CENPI: variants seen among roughly 807,000 people sequenced by gnomAD.
CENPI encodes centromere protein I, also known as FSH primary response 1.
Under a neutral mutation model 60.4 loss-of-function variants are expected in CENPI, and 4 were observed. That is an observed-to-expected ratio of 0.07 (90% CI 0.03 to 0.15). The LOEUF (loss-of-function observed/expected upper bound fraction) is 0.15, where lower values mean the gene tolerates loss of function less well. CENPI is among the 10% of genes least tolerant of loss of function. The probability of loss-of-function intolerance (pLI) is 1.00; values close to 1 mark genes in which losing one functional copy is unlikely to be tolerated. For synonymous variants in CENPI, 157 were observed against 189.4 expected (o/e 0.83, Z 1.40); for missense variants, 444 against 534.5 (o/e 0.83, Z 1.67).
chrX:101,124,266 T>A (rs954097111), intron 8 of CENPI, among the ~76,000 whole-genome samples: 2 of 110,589 alleles, frequency 1.8e-5, no homozygotes, highest in Admixed American at 9.7e-5. Context: ...TAAGTGGCAG[T>A]CTACTATAGA....
At chrX:101,126,892 C>T in intron 9 of CENPI, 94 bp downstream of exon 9, 2 of 862,444 alleles carry the variant, frequency 2.3e-6, no homozygotes, top group East Asian at 3.1e-5. Flanking sequence ...TGTTTACAGC[C>T]TACTGTTTTA....
At chrX:101,124,954 C>G (rs1431796497) in intron 8 of CENPI, among the ~76,000 whole-genome samples, 2 of 111,552 alleles carry the variant, frequency 1.8e-5, no homozygotes, top group Non-Finnish European at 3.8e-5. Flanking sequence ...GCTACTGGCA[C>G]TCTGAGACCT....
chrX:101,100,188 G>C (rs955496830), intron 2 of CENPI: 3 of 111,172 alleles, frequency 2.7e-5, no homozygotes, highest in Non-Finnish European at 5.6e-5. Context: ...CTGGTAACTA[G>C]ACTTGTGCTT....
At chrX:101,119,140 A>G (rs1405165053) in intron 6 of CENPI, among the ~76,000 whole-genome samples, 2 of 111,840 alleles carry the variant, frequency 1.8e-5, no homozygotes, top group African/African-American at 6.5e-5. Flanking sequence ...AGATCATGCC[A>G]TTGTGCTCCA....
chrX:101,164,578 C>T lies in CENPI; in HGVS notation c.*1611C>T, dbSNP rs1319779999. On this transcript the variant is annotated 3_prime_UTR_variant, in exon 22 of 22. Coordinates refer to ENST00000682095, the MANE Select transcript of CENPI (RefSeq NM_001386188.2). ...AACTCTTGATCTCAAGTGATCAACC[C>T]GCCTTGGCCTCCCAAAGTGTTGGGA... is the stretch of plus-strand genomic sequence containing the variant. Among the ~76,000 whole-genome samples the T allele has an allele frequency of 8.9e-6, 1 of 111,742 alleles. No individual in the cohort carries two copies. Among genetic ancestry groups the T allele is most frequent in the African/African-American group, 3.3e-5 (1 of 30,759 alleles).
At chrX:101,099,040 T>C (rs866366456) in intron 2 of CENPI, among the ~76,000 whole-genome samples, 1 of 93,306 alleles carries the variant, frequency 1.1e-5, no homozygotes, top group Admixed American at 1.2e-4. Flanking sequence ...TTTCTTTTCT[T>C]TTCTCTTTTC....
chrX:101,162,471 A>ATATATAT (rs1182467283), intron 21 of CENPI, among the ~76,000 whole-genome samples: 56 of 76,278 alleles, frequency 7.3e-4, no homozygotes, highest in African/African-American at 3.0e-3. Context: ...AAAAAAAAAA[A>ATATATAT]AAATATATAT....
At chrX:101,105,522 C>CA (rs924539365) in intron 4 of CENPI, among the ~76,000 whole-genome samples, 8 of 111,220 alleles carry the variant, frequency 7.2e-5, no homozygotes, top group South Asian at 7.5e-4. Context: ...GACTCCATCT[C>CA]AAAAAAACAA....
chrX:101,113,337 T>TC (rs2089579177), intron 6 of CENPI, among the ~76,000 whole-genome samples: 1 of 106,833 alleles, frequency 9.4e-6, no homozygotes, highest in African/African-American at 3.4e-5. Context: ...TAGATTTTTT[T>TC]TTTTTTTGAG....
intron 20 of CENPI, among the ~76,000 whole-genome samples, chrX:101,148,919 C>T (rs1359363903): frequency 9.0e-6 from 1 of 111,722 alleles, no homozygotes; most frequent in East Asian, 2.8e-4. Context: ...CCAGGCACTA[C>T]AGTGAATAAG....
chrX:101,147,734 T>A (rs1473292115), intron 18 of CENPI, 29 bp from the exon 19 acceptor site: 1 of 1,115,258 alleles, frequency 9.0e-7, no homozygotes, highest in Admixed American at 2.4e-5. Flanking sequence ...GCATGTTAAA[T>A]GTTTCATTCT....
At chrX:101,158,883 G>T (rs946991713) in intron 20 of CENPI, among the ~76,000 whole-genome samples, 1 of 108,359 alleles carries the variant, frequency 9.2e-6, no homozygotes, top group African/African-American at 3.4e-5. Context: ...CACCCGCCTC[G>T]GCCTCCCAAA....
chrX:101,145,159 A>G lies in CENPI; in HGVS notation c.1661A>G (p.Asn554Ser). The change falls in exon 17 of 22, where the codon AAT becomes AGT. Residue 554 changes from asparagine (N) to serine (S), a missense_variant. Transcript: ENST00000682095. Reference sequence around the variant, plus strand: ...ACTGCAATGCGCTTGGAGAGCAACAATACTTTCTTGCTGCACTTTATTTTG... The same window carrying G: ...ACTGCAATGCGCTTGGAGAGCAACAGTACTTTCTTGCTGCACTTTATTTTG... ...STTAMRLESN[N>S]TFLLHFILDF... The G allele has an allele frequency of 8.3e-7, 1 of 1,208,525 alleles. No individual in the cohort carries two copies. Among genetic ancestry groups the G allele is most frequent in the Non-Finnish European group, 1.1e-6 (1 of 892,744 alleles).
At chrX:101,169,741 C>T (rs761443881), downstream of CENPI, among the ~76,000 whole-genome samples, 1 of 111,479 alleles carries the variant, frequency 9.0e-6, no homozygotes, top group South Asian at 3.8e-4. Flanking sequence ...TTAGTGCCCC[C>T]GAAGACCTTC....
chrX:101,148,242 G>C, intron 20 of CENPI, 81 bp downstream of exon 20: 1 of 830,008 alleles, frequency 1.2e-6, no homozygotes, highest in Non-Finnish European at 1.8e-6. Flanking sequence ...AATTTAATGT[G>C]TCTGAATTGT....
In CENPI at chrX:101,159,452, G is replaced by A. The variant is rs182139369; in HGVS notation, c.2095-2076G>A. Reference sequence around the variant, plus strand: ...GCTGGGATTACAGGTGTGAGCCACCGCGCCTGGCCTTTTTTTTCTTTGTGA... The same window carrying A: ...GCTGGGATTACAGGTGTGAGCCACCACGCCTGGCCTTTTTTTTCTTTGTGA... On this transcript the variant is annotated intron_variant, in intron 20 of 21. Coordinates refer to ENST00000682095, the MANE Select transcript of CENPI (RefSeq NM_001386188.2). Among the ~76,000 whole-genome samples the A allele has an allele frequency of 1.5e-3, 163 of 109,502 alleles. 1 individual carries two copies. In the Middle Eastern group the frequency reaches 0.019, roughly 12 times the overall value.
intron 6 of CENPI, among the ~76,000 whole-genome samples, chrX:101,117,498 C>G (rs2089636167): frequency 8.9e-6 from 1 of 112,180 alleles, no homozygotes; most frequent in South Asian, 3.7e-4. Context: ...CCTGGCCAAA[C>G]TGCAGACGTT....
At chrX:101,176,935 G>T in the CENPI span, among the ~76,000 whole-genome samples, 2 of 112,444 alleles carry the variant, frequency 1.8e-5, no homozygotes, top group East Asian at 5.6e-4. Context: ...AGTGGCTTAG[G>T]ATGCTATTAT....
chrX:101,122,643 C>T lies in CENPI; in HGVS notation c.687+1859C>T, dbSNP rs955124043. On this transcript the variant is annotated intron_variant, in intron 8 of 21. Coordinates refer to ENST00000682095, the MANE Select transcript of CENPI (RefSeq NM_001386188.2). Reference sequence around the variant, plus strand: ...CTGTAATCCCAGCACTTTGGGAGGCCGAGGCGGGCAGATCACGAGGTCAGG... The same window carrying T: ...CTGTAATCCCAGCACTTTGGGAGGCTGAGGCGGGCAGATCACGAGGTCAGG... Among the ~76,000 whole-genome samples, 3 of 110,654 alleles carry T rather than the reference C, an allele frequency of 2.7e-5. No individual in the cohort carries two copies. In the South Asian group the frequency reaches 1.1e-3, roughly 42 times the overall value.
Sources: allele counts gnomAD v4.1 joint callset (sites outside exome capture counted in the v4.1 genomes callset), GRCh38; gene constraint gnomAD v4.1.1; transcripts MANE v1.5; gene names NCBI Gene and HGNC (gene_info 2026-07-23, HGNC 2026-07-21).